The following LRBA variants were observed in gnomAD, a reference collection of about 807,000 sequenced individuals.
LRBA encodes lipopolysaccharide-responsive and beige-like anchor protein.
In LRBA, 176 loss-of-function variants were observed where a neutral mutation model predicts 330.0. That is an observed-to-expected ratio of 0.53 (90% confidence interval 0.47 to 0.60). The LOEUF is 0.60. Ranked by LOEUF, LRBA falls within the 20% of genes least tolerant of loss-of-function variation. LRBA has a pLI of 0.00. For missense variants in LRBA, 3,259 were observed against 3,444.8 expected (o/e 0.95, Z 1.35); for synonymous variants, 1,230 against 1,193.0 (o/e 1.03, Z -0.64).
intron 44 of LRBA, among the ~76,000 whole-genome samples, chr4:150,449,144 C>A (rs748832991): frequency 6.6e-6 from 1 of 152,080 alleles, no homozygotes; most frequent in Non-Finnish European, 1.5e-5. Context: ...AAGCAAATAT[C>A]AACTTGCACA....
intron 47 of LRBA, among the ~76,000 whole-genome samples, chr4:150,397,281 A>AT (rs537882045): frequency 1.7e-3 from 263 of 152,152 alleles, no homozygotes; most frequent in African/African-American, 6.2e-3. Context: ...AAAGGTATTC[A>AT]TTTTTTTCTT....
intron 40 of LRBA, among the ~76,000 whole-genome samples, chr4:150,566,965 A>C (rs958990027): frequency 6.6e-6 from 1 of 152,130 alleles, no homozygotes; most frequent in Non-Finnish European, 1.5e-5. Flanking sequence ...TATAAGCCAC[A>C]ATATTTCCTA....
chr4:150,911,778 C>G (rs1006532518), intron 9 of LRBA, among the ~76,000 whole-genome samples: 3 of 152,142 alleles, frequency 2.0e-5, no homozygotes, highest in Non-Finnish European at 2.9e-5. Flanking sequence ...ATTAATTCTT[C>G]TTTAGATGAC....
chr4:150,818,416 TA>T (rs1235366114), intron 30 of LRBA, among the ~76,000 whole-genome samples: 2 of 151,826 alleles, frequency 1.3e-5, no homozygotes, highest in Non-Finnish European at 2.9e-5. Flanking sequence ...AACTATACAC[TA>T]AAAAATAGAA....
intron 44 of LRBA, among the ~76,000 whole-genome samples, chr4:150,442,011 T>C (rs1751906322): frequency 6.6e-6 from 1 of 152,162 alleles, no homozygotes; most frequent in Non-Finnish European, 1.5e-5. Flanking sequence ...CTTCTGAAAT[T>C]TATATATGAA....
chr4:150,397,647 G>C lies in LRBA; in HGVS notation c.7194+17791C>G, dbSNP rs555717698. On this transcript the variant is annotated intron_variant, in intron 47 of 56. Coordinates refer to ENST00000651943, the MANE Select transcript of LRBA (RefSeq NM_001364905.1). ...AAAACTTATTAAAACATATGCAGTA[G>C]TATAATTTTATCATAGGAAGTATAA... is the stretch of plus-strand genomic sequence containing the variant. Among the ~76,000 whole-genome samples the C allele has an allele frequency of 2.0e-5, 3 of 152,248 alleles. No individual in the cohort carries two copies. In the South Asian group the frequency reaches 6.2e-4, roughly 32 times the overall value.
rs553252928 is a variant in LRBA at position 150,409,693 on chromosome 4, T to C, written c.7194+5745A>G. Among the ~76,000 whole-genome samples, 28 of 152,306 alleles carry C rather than the reference T, an allele frequency of 1.8e-4. No individual in the cohort carries two copies. The South Asian group carries it at 2.7e-3, about 15-fold the overall frequency. ...AAGTAAACCTACTGAATGGTTTTTA[T>C]ATTTTTACATTGACTTTATAAATAA... On this transcript the variant is annotated intron_variant, in intron 47 of 56. Transcript: ENST00000651943.
chr4:150,468,241 T>G (rs1755673217), intron 43 of LRBA, among the ~76,000 whole-genome samples: 1 of 152,058 alleles, frequency 6.6e-6, no homozygotes, highest in Non-Finnish European at 1.5e-5. Flanking sequence ...CAATCAAGTT[T>G]AAATGACTTA....
rs185370817 is a variant in LRBA at position 150,873,597 on chromosome 4, A to C, written c.2166-842T>G. ...ACAGTGAGACTCTGTCTCAAAAAAA[A>C]AAACAAACAAACAAAGATCTAGGAA... On this transcript the variant is annotated intron_variant, in intron 17 of 56. Transcript: ENST00000651943. 1.3e-3 allele frequency among the ~76,000 whole-genome samples: 205 copies of C among 152,194 alleles called. 1 individual carries two copies. The highest frequency in any genetic ancestry group is 5.4e-3 in the East Asian group (28 of 5,190).
intron 17 of LRBA, among the ~76,000 whole-genome samples, chr4:150,879,636 G>C (rs1206107931): frequency 1.3e-5 from 2 of 152,010 alleles, no homozygotes; most frequent in Non-Finnish European, 2.9e-5. Context: ...CCTCCAAAAG[G>C]CTCCTGTGAC....
intron 44 of LRBA, among the ~76,000 whole-genome samples, chr4:150,444,356 C>T (rs1451719278): frequency 6.6e-6 from 1 of 152,056 alleles, no homozygotes; most frequent in Non-Finnish European, 1.5e-5. Context: ...CCTTCCTCCC[C>T]CACCACTCTA....
At chr4:150,450,166 C>T (rs1482032052) in intron 44 of LRBA, among the ~76,000 whole-genome samples, 1 of 152,026 alleles carries the variant, frequency 6.6e-6, no homozygotes, top group Non-Finnish European at 1.5e-5. Context: ...GATTTCAGAA[C>T]ATGAAATATT....
chr4:150,370,593 T>C (rs550499773), intron 47 of LRBA, among the ~76,000 whole-genome samples: 4 of 152,300 alleles, frequency 2.6e-5, no homozygotes, highest in Non-Finnish European at 5.9e-5. Flanking sequence ...CTATTCTGTA[T>C]GGTACTATAC....
intron 33 of LRBA, among the ~76,000 whole-genome samples, chr4:150,804,124 A>T (rs1358630873): frequency 1.3e-5 from 2 of 152,176 alleles, no homozygotes. Context: ...AGACTCTTCA[A>T]TTTTTAAAAT....
At chr4:150,380,227 A>G (rs1261926027) in intron 47 of LRBA, among the ~76,000 whole-genome samples, 1 of 152,010 alleles carries the variant, frequency 6.6e-6, no homozygotes, top group Non-Finnish European at 1.5e-5. Context: ...ATTAATGATC[A>G]CAACTCTACT....
At chr4:150,462,774 T>C (rs1754943429) in intron 44 of LRBA, among the ~76,000 whole-genome samples, 1 of 151,916 alleles carries the variant, frequency 6.6e-6, no homozygotes, top group Non-Finnish European at 1.5e-5. Flanking sequence ...TCTGTTTGTA[T>C]TCTACATTAA....
chr4:150,647,356 T>C (rs1373102523), intron 37 of LRBA, among the ~76,000 whole-genome samples: 2 of 132,572 alleles, frequency 1.5e-5, no homozygotes, highest in African/African-American at 5.5e-5. Context: ...CTTTTTCTTT[T>C]TTTTTTTTTT....
At chr4:150,741,938 A>C (rs535543410) in intron 35 of LRBA, among the ~76,000 whole-genome samples, 3 of 151,730 alleles carry the variant, frequency 2.0e-5, no homozygotes, top group African/African-American at 7.2e-5. Flanking sequence ...TTTTAATAAA[A>C]TGTCTTAGAT....
At chr4:150,878,283 G>A (rs1348487303) in intron 17 of LRBA, among the ~76,000 whole-genome samples, 1 of 152,030 alleles carries the variant, frequency 6.6e-6, no homozygotes, top group Non-Finnish European at 1.5e-5. Context: ...AGGTTGTAGT[G>A]AGCTGAGACT....
Sources: allele counts gnomAD v4.1 joint callset (sites outside exome capture counted in the v4.1 genomes callset), GRCh38; gene constraint gnomAD v4.1.1; transcripts MANE v1.5; gene names NCBI Gene and HGNC (gene_info 2026-07-23, HGNC 2026-07-21).